The following ZNF33B variants were observed in gnomAD, a reference collection of about 807,000 sequenced individuals.
ZNF33B encodes zinc finger protein 11b (KOX 2).
ZNF33B carries 29 observed loss-of-function variants against 45.8 expected under a neutral mutation model. That is an observed-to-expected ratio of 0.63 (90% confidence interval 0.47 to 0.86). ZNF33B has a LOEUF of 0.86. Ranked by LOEUF, ZNF33B falls within the 40% of genes least tolerant of loss-of-function variation. ZNF33B has a pLI of 0.00. For missense variants in ZNF33B, 831 were observed against 909.9 expected (o/e 0.91, Z 1.12); for synonymous variants, 305 against 307.8 (o/e 0.99, Z 0.10).
intron 4 of ZNF33B, among the ~76,000 whole-genome samples, chr10:42,624,458 A>C (rs2132137443): frequency 6.6e-6 from 1 of 152,358 alleles, no homozygotes; most frequent in Middle Eastern, 3.4e-3. Flanking sequence ...CAAGGGCGAT[A>C]CATTCCAAGA....
chr10:42,622,524 C>T (rs1480461868), intron 4 of ZNF33B, among the ~76,000 whole-genome samples: 2 of 152,304 alleles, frequency 1.3e-5, no homozygotes, highest in East Asian at 1.9e-4. Flanking sequence ...CCCAAAAATA[C>T]ACTGCCTATG....
At chr10:42,608,329 T>C (rs768946966) in intron 4 of ZNF33B, among the ~76,000 whole-genome samples, 5 of 152,060 alleles carry the variant, frequency 3.3e-5, no homozygotes, top group African/African-American at 7.2e-5. Context: ...ACAGAAGATA[T>C]AGATGACACT....
rs550121371 is a variant in ZNF33B at position 42,596,142 on chromosome 10, A to C, written c.251-1443T>G. ...GTCCTTAAAGAAGAAAAAAGAAAAC[A>C]ATGGAATAAATCTAATATTAGAAAG... On this transcript the variant is annotated intron_variant, in intron 4 of 4. Coordinates refer to ENST00000359467, the MANE Select transcript of ZNF33B (RefSeq NM_006955.3). 9.2e-5 allele frequency among the ~76,000 whole-genome samples: 14 copies of C among 151,914 alleles called. No homozygotes were observed. The South Asian group carries it at 1.9e-3, about 20-fold the overall frequency.
chr10:42,636,777 G>A (rs995085144), intron 2 of ZNF33B, 143 bp downstream of exon 2: 1 of 1,125,618 alleles, frequency 8.9e-7, no homozygotes, highest in African/African-American at 1.6e-5. Flanking sequence ...GCAGTGAACA[G>A]AGATGGAGAC....
chr10:42,598,684 G>A (rs1412978108), intron 4 of ZNF33B, among the ~76,000 whole-genome samples: 5 of 152,312 alleles, frequency 3.3e-5, no homozygotes, highest in Middle Eastern at 3.4e-3. Context: ...GAAGTTGGCC[G>A]AGATACAGGG....
chr10:42,627,008 C>CTTTTTT (rs111639981), intron 4 of ZNF33B, among the ~76,000 whole-genome samples: 3 of 145,402 alleles, frequency 2.1e-5, no homozygotes, highest in African/African-American at 5.0e-5. Flanking sequence ...TGTCATTTTT[C>CTTTTTT]TTTTTTTTTT....
Position 42,591,231 on chromosome 10 carries a change from G to A in ZNF33B, c.*1382C>T. On this transcript the variant is annotated 3_prime_UTR_variant, in exon 5 of 5. Transcript: ENST00000359467. ...AACAGCCCTGGGCAGCAACTGGGCTGTATGTGTGGGCCTCTTTCCAGGGCC... is the reference window on the plus strand; with the variant it reads ...AACAGCCCTGGGCAGCAACTGGGCTATATGTGTGGGCCTCTTTCCAGGGCC... 5 of 916,766 alleles carry A rather than the reference G, an allele frequency of 5.5e-6. No homozygotes were observed. The highest frequency in any genetic ancestry group is 5.2e-6 in the Non-Finnish European group (4 of 767,882). The allele number at this position is 916,766 out of a possible 1,614,324, so 56.8% of individuals were successfully genotyped here.
At chr10:42,594,841 A>AT (rs904265284) in intron 4 of ZNF33B, 142 bp from the exon 5 acceptor site, 148 of 971,498 alleles carry the variant, frequency 1.5e-4, no homozygotes, top group African/African-American at 3.1e-4. Flanking sequence ...GCAAGTGCAT[A>AT]TTTTTTTGTA....
At chr10:42,595,490 T>G (rs745624954) in intron 4 of ZNF33B, among the ~76,000 whole-genome samples, 19 of 151,920 alleles carry the variant, frequency 1.3e-4, no homozygotes, top group Non-Finnish European at 1.8e-4. Flanking sequence ...ACATTCCTTA[T>G]TAAGGAATCT....
Position 42,591,330 on chromosome 10 carries a change from T to A in ZNF33B, c.*1283A>T. The A allele has an allele frequency of 1.5e-6, 1 of 662,108 alleles. No homozygotes were observed. The highest frequency in any genetic ancestry group is 6.8e-5 in the South Asian group (1 of 14,734). 41.0% of individuals were successfully genotyped at this position (662,108 alleles called of 1,614,324 possible). On this transcript the variant is annotated 3_prime_UTR_variant, in exon 5 of 5. Coordinates refer to ENST00000359467, the MANE Select transcript of ZNF33B (RefSeq NM_006955.3). ...CTGAAGGCTGGAGTGTTCACATATG[T>A]ACCCCAGGCAGTTCATGGCATGGGA...
At chr10:42,617,100 T>C in intron 4 of ZNF33B, among the ~76,000 whole-genome samples, 1 of 118,336 alleles carries the variant, frequency 8.5e-6, no homozygotes, top group Admixed American at 8.3e-5. Flanking sequence ...CTCTTTTTTT[T>C]TTTTTTTTTT....
chr10:42,618,051 G>A (rs887108593), intron 4 of ZNF33B, among the ~76,000 whole-genome samples: 7 of 152,070 alleles, frequency 4.6e-5, no homozygotes, highest in Non-Finnish European at 8.8e-5. Flanking sequence ...ACCTGCTTAG[G>A]AGCCTTCTCT....
In ZNF33B at chr10:42,594,102, A is replaced by G. The variant is rs774471256; in HGVS notation, c.848T>C (p.Phe283Ser). The G allele has an allele frequency of 6.2e-7, 1 of 1,614,070 alleles. No individual in the cohort carries two copies. Among genetic ancestry groups the G allele is most frequent in the South Asian group, 1.1e-5 (1 of 91,078 alleles). ...SHYEFSDCEKFLCVKSTLSKH... is the reference protein window; with the variant it reads ...SHYEFSDCEKSLCVKSTLSKH... ...AGAAAGGGTGGACTTCACACATAAG[A>G]ACTTCTCACAATCACTAAATTCATA... Residue 283 changes from phenylalanine (F) to serine (S), a missense_variant, in exon 5 of 5, where the codon TTC (phenylalanine) becomes TCC (serine). Phe to Ser is a radical substitution (Grantham distance 155). Transcript: ENST00000359467.
At chr10:42,630,793 G>A (rs545444239) in intron 4 of ZNF33B, among the ~76,000 whole-genome samples, 36 of 152,242 alleles carry the variant, frequency 2.4e-4, no homozygotes, top group African/African-American at 8.4e-4. Context: ...TTGCTCATCT[G>A]CTGAAAATCT....
rs541522006 is a variant in ZNF33B, at chr10:42,637,080, G to T, written c.-44-108C>A. 8.6e-6 allele frequency: 9 copies of T among 1,042,984 alleles called. No homozygotes were observed. The East Asian group carries it at 1.7e-4, about 19-fold the overall frequency. 64.6% of individuals were successfully genotyped at this position (1,042,984 alleles called of 1,614,324 possible). A position where few individuals can be genotyped will look rare whatever the true frequency, so the allele number is the denominator to read the frequency against. ...ACACACCCACTAGGTAAAATGCTCC[G>T]TCTGGGAGAATATCAATGTCCTCTG... On this transcript the variant is annotated intron_variant, in intron 1 of 4. Coordinates refer to ENST00000359467, the MANE Select transcript of ZNF33B (RefSeq NM_006955.3).
At chr10:42,630,350 G>A (rs1356323765) in intron 4 of ZNF33B, among the ~76,000 whole-genome samples, 1 of 152,096 alleles carries the variant, frequency 6.6e-6, no homozygotes, top group African/African-American at 2.4e-5. Flanking sequence ...GTCATTCCCT[G>A]CAGGGAATGT....
At chr10:42,582,121 A>C (rs1420656999) in intron 1 of ZNF33B, 2 of 152,374 alleles carry the variant, frequency 1.3e-5, no homozygotes, top group East Asian at 3.9e-4. Context: ...GTCTCAAAAC[A>C]AACAAACAAA....
chr10:42,598,058 C>A (rs994348970), intron 4 of ZNF33B, among the ~76,000 whole-genome samples: 3 of 152,176 alleles, frequency 2.0e-5, no homozygotes, highest in Admixed American at 2.0e-4. Flanking sequence ...AAATAATGTT[C>A]TCTCCCATCA....
chr10:42,610,154 C>T (rs1401508954), intron 4 of ZNF33B, among the ~76,000 whole-genome samples: 1 of 152,070 alleles, frequency 6.6e-6, no homozygotes, highest in Non-Finnish European at 1.5e-5. Flanking sequence ...AAAGAATCTA[C>T]TAAAACACTA....
Sources: gnomAD v4.1 joint callset for allele counts (sites outside exome capture counted in the v4.1 genomes callset) on GRCh38, gnomAD v4.1.1 for gene constraint, MANE v1.5 for transcripts, NCBI Gene and HGNC (gene_info 2026-07-23, HGNC 2026-07-21) for gene names.